Variants in ACBD6 observed in about 807,000 individuals in gnomAD.
ACBD6 encodes the protein acyl-CoA-binding domain-containing protein 6.
ACBD6 carries 28 observed loss-of-function variants against 37.2 expected under a neutral mutation model. The ratio of observed to expected loss-of-function variants is 0.75; its 90% CI spans 0.56 to 1.03. ACBD6 has a LOEUF of 1.03. Ranked by LOEUF, ACBD6 falls within the 50% of genes least tolerant of loss-of-function variation. The pLI is 0.00. For synonymous variants in ACBD6, 113 were observed against 126.8 expected, an observed-to-expected ratio of 0.89 and a Z score of 0.73; for missense variants, 340 against 337.4, an observed-to-expected ratio of 1.01 and a Z score of -0.06.
At chr1:180,330,870 G>A (rs1233556530) in intron 6 of ACBD6, among the ~76,000 whole-genome samples, 1 of 152,182 alleles carries the variant, frequency 6.6e-6, no homozygotes, top group African/African-American at 2.4e-5. Flanking sequence ...TCCACACGGT[G>A]GTCTTCTAAT....
At chr1:180,495,617 C>T in intron 1 of ACBD6, 92 bp from the exon 2 acceptor site, 1 of 987,378 alleles carries the variant, frequency 1.0e-6, no homozygotes, top group East Asian at 2.4e-5. Context: ...ATTCAGTAAC[C>T]ATAGGTTGGA....
intron 3 of ACBD6, among the ~76,000 whole-genome samples, chr1:180,464,961 G>A (rs1378802210): frequency 6.6e-6 from 1 of 152,136 alleles, no homozygotes; most frequent in African/African-American, 2.4e-5. Flanking sequence ...AATGGTGCTG[G>A]GATAACTGGC....
At chr1:180,481,745 A>G (rs530210205) in intron 3 of ACBD6, among the ~76,000 whole-genome samples, 1 of 152,326 alleles carries the variant, frequency 6.6e-6, no homozygotes, top group Admixed American at 6.5e-5. Context: ...TTGGAAATAC[A>G]CTCTAAGAGA....
At chr1:180,352,749 G>A (rs1652465895) in intron 6 of ACBD6, among the ~76,000 whole-genome samples, 1 of 152,200 alleles carries the variant, frequency 6.6e-6, no homozygotes, top group East Asian at 1.9e-4. Context: ...ACTGTTCACT[G>A]CACTTTATAC....
Position 180,397,514 on chromosome 1 carries a change from A to C in ACBD6, c.663+2T>G, listed in dbSNP as rs1654308285. On this transcript the variant is annotated splice_donor_variant, in intron 6 of 7. Coordinates refer to ENST00000367595, the MANE Select transcript of ACBD6 (RefSeq NM_032360.4). LOFTEE classifies it high-confidence loss of function. The stretch of plus-strand genomic sequence containing the variant: ...ATAAAAGCTCTTCTTTATCACTCTT[A>C]CCTGACAGTTAATGTCAGCTCTATG... 6.2e-7 allele frequency: 1 copy of C among 1,611,692 alleles called. No individual in the cohort carries two copies. The highest frequency in any genetic ancestry group is 8.5e-7 in the Non-Finnish European group (1 of 1,177,768).
chr1:180,469,298 G>C (rs1286112413), intron 3 of ACBD6, among the ~76,000 whole-genome samples: 1 of 152,016 alleles, frequency 6.6e-6, no homozygotes, highest in Non-Finnish European at 1.5e-5. Flanking sequence ...AACAAACATT[G>C]GTAGTTTTGA....
At chr1:180,493,825 G>A (rs1651623139) in intron 2 of ACBD6, among the ~76,000 whole-genome samples, 1 of 152,100 alleles carries the variant, frequency 6.6e-6, no homozygotes, top group African/African-American at 2.4e-5. Context: ...CACATTGTTG[G>A]TATTTTTTAA....
intron 6 of ACBD6, among the ~76,000 whole-genome samples, chr1:180,328,642 A>G (rs1486289136): frequency 6.6e-6 from 1 of 152,158 alleles, no homozygotes; most frequent in African/African-American, 2.4e-5. Context: ...AATGTATGAT[A>G]AGTGAGGCAC....
At chr1:180,361,292 A>T (rs865778488) in intron 6 of ACBD6, among the ~76,000 whole-genome samples, 1,000 of 49,292 alleles carry the variant, frequency 0.02, 7 homozygotes, top group African/African-American at 0.065. Flanking sequence ...TTTTTTTTTT[A>T]AACAGGTGCT....
chr1:180,442,856 T>C (rs1649333859), intron 3 of ACBD6, among the ~76,000 whole-genome samples: 2 of 152,326 alleles, frequency 1.3e-5, no homozygotes, highest in South Asian at 4.1e-4. Context: ...GTTCACTTTT[T>C]CCTCTACTTT....
intron 6 of ACBD6, among the ~76,000 whole-genome samples, chr1:180,347,618 C>T (rs1652237432): frequency 6.6e-6 from 1 of 152,098 alleles, no homozygotes; most frequent in Non-Finnish European, 1.5e-5. Context: ...AATGTTCCTT[C>T]AATTCCCTAT....
chr1:180,274,413 G>A lies in ACBD6; in HGVS notation c.*936+238C>T, dbSNP rs201612374. The A allele has an allele frequency of 3.7e-5, 59 of 1,614,240 alleles. No homozygotes were observed. The East Asian group carries it at 1.3e-3, about 35-fold the overall frequency. On this transcript the variant is annotated intron_variant, in intron 10 of 13. Coordinates refer to the ACBD6 transcript ENST00000642319. ...AATGGGCTGGATTACACGGTGGACAGTAATTTGGGCATCATTGCGCATGCA... is the reference window on the plus strand; with the variant it reads ...AATGGGCTGGATTACACGGTGGACAATAATTTGGGCATCATTGCGCATGCA...
At chr1:180,335,336 G>A (rs1209439547) in intron 6 of ACBD6, among the ~76,000 whole-genome samples, 3 of 152,120 alleles carry the variant, frequency 2.0e-5, no homozygotes, top group Non-Finnish European at 4.4e-5. Flanking sequence ...TACAAGCCAG[G>A]AGAGAGTGGG....
intron 6 of ACBD6, among the ~76,000 whole-genome samples, chr1:180,355,313 T>A (rs1289920918): frequency 6.6e-6 from 1 of 152,222 alleles, no homozygotes; most frequent in Admixed American, 6.5e-5. Flanking sequence ...TGGGATTTCA[T>A]GGGTTTCTCT....
chr1:180,363,554 G>A (rs1236200898), intron 6 of ACBD6, among the ~76,000 whole-genome samples: 3 of 152,196 alleles, frequency 2.0e-5, no homozygotes, highest in African/African-American at 4.8e-5. Context: ...AATGTAACGG[G>A]CAAAGCAAAG....
chr1:180,345,186 T>C (rs1652133099), intron 6 of ACBD6, among the ~76,000 whole-genome samples: 1 of 152,234 alleles, frequency 6.6e-6, no homozygotes, highest in African/African-American at 2.4e-5. Context: ...ACTGTTTCTA[T>C]AACACTATTC....
chr1:180,435,563 G>C (rs1037617657), intron 3 of ACBD6: 34 of 995,188 alleles, frequency 3.4e-5, no homozygotes, highest in Non-Finnish European at 4.6e-5. Flanking sequence ...GATGAATTTT[G>C]AGACTGCAAA....
intron 3 of ACBD6, among the ~76,000 whole-genome samples, chr1:180,458,854 A>G (rs1650020464): frequency 6.6e-6 from 1 of 152,240 alleles, no homozygotes; most frequent in African/African-American, 2.4e-5. Flanking sequence ...AGTCTGGCAT[A>G]AAATCTTTGT....
chr1:180,398,037 G>A (rs1654328153), intron 5 of ACBD6, among the ~76,000 whole-genome samples: 1 of 148,630 alleles, frequency 6.7e-6, no homozygotes, highest in Admixed American at 6.8e-5. Flanking sequence ...TGGGTGACAG[G>A]GCAAAACTCC....
Sources: gnomAD v4.1 joint callset for allele counts (sites outside exome capture counted in the v4.1 genomes callset) on GRCh38, gnomAD v4.1.1 for gene constraint, MANE v1.5 for transcripts, NCBI Gene and HGNC (gene_info 2026-07-23, HGNC 2026-07-21) for gene names.